Variants in SBNO2 observed in about 807,000 individuals in gnomAD.
The protein encoded by SBNO2 is protein strawberry notch homolog 2.
Under a neutral mutation model 146.3 loss-of-function variants are expected in SBNO2, and 89 were observed. The observed-to-expected ratio is 0.61, with a 90% CI of 0.51 to 0.73. The LOEUF (loss-of-function observed/expected upper bound fraction) is 0.73, where lower values mean the gene tolerates loss of function less well. Ranked by LOEUF, SBNO2 falls within the 30% of genes least tolerant of loss-of-function variation. The pLI is 0.00. For missense variants in SBNO2, 2,092 were observed against 2,003.7 expected (o/e 1.04, Z -0.84); for synonymous variants, 1,147 against 892.6 (o/e 1.29, Z -5.08).
chr19:1,119,843 CG>C (rs1284188703), intron 12 of SBNO2, 62 bp downstream of exon 12: 22 of 1,301,050 alleles, frequency 1.7e-5, no homozygotes, highest in Non-Finnish European at 2.3e-5. Flanking sequence ...TACCCCTTCG[CG>C]GGGACAGCCA....
At chr19:1,142,059 C>A (rs2080143187) in intron 4 of SBNO2, among the ~76,000 whole-genome samples, 1 of 150,638 alleles carries the variant, frequency 6.6e-6, no homozygotes, top group Non-Finnish European at 1.5e-5. Flanking sequence ...TCACGATCAA[C>A]CCTCCCCTCA....
intron 1 of SBNO2, among the ~76,000 whole-genome samples, chr19:1,167,815 C>T (rs1007015375): frequency 1.1e-4 from 16 of 152,206 alleles, no homozygotes; most frequent in African/African-American, 3.6e-4. Context: ...GCCGCGTGCA[C>T]GGAAACCCAG....
chr19:1,132,142 G>C, intron 4 of SBNO2: 2 of 1,497,416 alleles, frequency 1.3e-6, no homozygotes, highest in South Asian at 1.3e-5. Flanking sequence ...CATGGTCCCG[G>C]CGCTCGGGGG....
rs892164563 is a variant in SBNO2 at position 1,118,947 on chromosome 19, C to G, written c.1527+64G>C. On this transcript the variant is annotated intron_variant, in intron 14 of 31. Coordinates refer to ENST00000361757, the MANE Select transcript of SBNO2 (RefSeq NM_014963.3). ...GATGACGCCTGTGGCATCTGCAAGGCCACGGGGGAGCAATTTCACCCGGGA... is the reference window on the plus strand; with the variant it reads ...GATGACGCCTGTGGCATCTGCAAGGGCACGGGGGAGCAATTTCACCCGGGA... The G allele has an allele frequency of 4.6e-6, 7 of 1,512,116 alleles. No individual in the cohort carries two copies. In the Admixed American group the frequency reaches 1.4e-4, roughly 30 times the overall value. The allele number at this position is 1,512,116 out of a possible 1,614,324, so 93.7% of individuals were successfully genotyped here. A position where few individuals can be genotyped will look rare whatever the true frequency, so the allele number is the denominator to read the frequency against.
At position 1,173,879 on chromosome 19, in the gene SBNO2, T is replaced by C. The variant is rs1264881389; in HGVS notation, c.-127+293A>G. On this transcript the variant is annotated intron_variant, in intron 1 of 31. Coordinates refer to ENST00000361757, the MANE Select transcript of SBNO2 (RefSeq NM_014963.3). This position sits in a 1 kb window ranked among gnomAD's most constrained non-coding sequence, Gnocchi z 4.7. ...GAAGGAAAGGTTGGGAGGGTTGTCG[T>C]GGAAGGTAGGGTTAAGGTTCACGGC... 1.6e-5 allele frequency: 1 copy of C among 63,616 alleles called. No homozygotes were observed. The highest frequency in any genetic ancestry group is 3.0e-5 in the Non-Finnish European group (1 of 33,084). 3.9% of individuals were successfully genotyped at this position (63,616 alleles called of 1,614,324 possible). A position where few individuals can be genotyped will look rare whatever the true frequency, so the allele number is the denominator to read the frequency against.
Position 1,109,095 on chromosome 19 carries a change from C to A in SBNO2, c.3425+40G>T, listed in dbSNP as rs1026200589. 3.9e-6 allele frequency: 6 copies of A among 1,543,630 alleles called. No homozygotes were observed. In the African/African-American group the frequency reaches 8.2e-5, roughly 21 times the overall value. ...CCCCCGATCCCCGCCTGGGTCGCCGCCATCTGCCGGTTTCCCCCTGGTCCC... is the reference window on the plus strand; with the variant it reads ...CCCCCGATCCCCGCCTGGGTCGCCGACATCTGCCGGTTTCCCCCTGGTCCC... On this transcript the variant is annotated intron_variant, in intron 30 of 31. Coordinates refer to ENST00000361757, the MANE Select transcript of SBNO2 (RefSeq NM_014963.3). This position sits in a 1 kb window ranked among gnomAD's most constrained non-coding sequence, Gnocchi z 4.2.
chr19:1,110,926 G>C lies in SBNO2; in HGVS notation c.2885-38C>G, dbSNP rs776060128. On this transcript the variant is annotated intron_variant, in intron 25 of 31. Coordinates refer to ENST00000361757, the MANE Select transcript of SBNO2 (RefSeq NM_014963.3). The surrounding 1 kb of genome is among the most constrained non-coding windows in gnomAD (Gnocchi z 4.9). Reference sequence around the variant, plus strand: ...GGAGCCAAGCCTCAGGCTGCGCTGGGAATCCCTCTCCCTGCTTTGCTCACC... The same window carrying C: ...GGAGCCAAGCCTCAGGCTGCGCTGGCAATCCCTCTCCCTGCTTTGCTCACC... 1.2e-6 allele frequency: 2 copies of C among 1,611,364 alleles called. No individual in the cohort carries two copies. The highest frequency in any genetic ancestry group is 2.2e-5 in the South Asian group (2 of 91,058).
chr19:1,118,932 G>A, intron 14 of SBNO2, 79 bp downstream of exon 14: 1 of 1,442,200 alleles, frequency 6.9e-7, no homozygotes, highest in South Asian at 1.3e-5. Flanking sequence ...GATGACGCCT[G>A]TGGCATCTGC....
At position 1,109,633 on chromosome 19, in the gene SBNO2, G is replaced by T. The variant is rs776527087; in HGVS notation, c.3124-35C>A. 1.0e-5 allele frequency: 16 copies of T among 1,566,102 alleles called. No individual in the cohort carries two copies. The African/African-American group carries it at 1.6e-4, about 16-fold the overall frequency. On this transcript the variant is annotated intron_variant, in intron 27 of 31. Transcript: ENST00000361757. The surrounding 1 kb of genome is among the most constrained non-coding windows in gnomAD (Gnocchi z 4.2). ...CACGGGGTGGGGGGGTGTGAGTGTG[G>T]TGGGGGCGGGGTGGGCAGAGTGTGA...
At chr19:1,166,588 G>T (rs1320837990) in intron 1 of SBNO2, among the ~76,000 whole-genome samples, 2 of 149,496 alleles carry the variant, frequency 1.3e-5, no homozygotes, top group Non-Finnish European at 3.0e-5. Flanking sequence ...GACCAGCCTG[G>T]GCAACAGAGC....
chr19:1,163,877 G>A (rs747073627), intron 1 of SBNO2, among the ~76,000 whole-genome samples: 18 of 152,206 alleles, frequency 1.2e-4, no homozygotes, highest in Non-Finnish European at 1.9e-4. Context: ...CAGTGGCCCC[G>A]GTTGCCTGGA....
chr19:1,162,097 T>TCA (rs1248655589), intron 1 of SBNO2, among the ~76,000 whole-genome samples: 1 of 145,716 alleles, frequency 6.9e-6, no homozygotes, highest in Non-Finnish European at 1.5e-5. Context: ...GACACAGGGC[T>TCA]CAGGGACCAC....
At chr19:1,161,380 G>A (rs2080343158) in intron 1 of SBNO2, among the ~76,000 whole-genome samples, 1 of 82,354 alleles carries the variant, frequency 1.2e-5, no homozygotes, top group East Asian at 3.7e-4. Flanking sequence ...GAGTACTGGG[G>A]GTGGGGGTGC....
chr19:1,170,163 G>A (rs764564924), intron 1 of SBNO2, among the ~76,000 whole-genome samples: 4 of 152,194 alleles, frequency 2.6e-5, no homozygotes, highest in Non-Finnish European at 5.9e-5. Flanking sequence ...GCCTCCTCAC[G>A]GGGCCCAGGA....
chr19:1,167,666 G>C (rs1018490101), intron 1 of SBNO2, among the ~76,000 whole-genome samples: 1 of 152,122 alleles, frequency 6.6e-6, no homozygotes, highest in Non-Finnish European at 1.5e-5. Context: ...AATCCAGGAC[G>C]ACCCCTCTGC....
Position 1,154,371 on chromosome 19 carries a change from C to T in SBNO2, c.-95G>A, listed in dbSNP as rs1184776859. 5 of 598,198 alleles carry T rather than the reference C, an allele frequency of 8.4e-6. No individual in the cohort carries two copies. The highest frequency in any genetic ancestry group is 4.4e-5 in the Admixed American group (1 of 22,706). The allele number at this position is 598,198 out of a possible 1,614,324, so 37.1% of individuals were successfully genotyped here. A position where few individuals can be genotyped will look rare whatever the true frequency, so the allele number is the denominator to read the frequency against. The stretch of plus-strand genomic sequence containing the variant: ...GGGCGTCTATCTGGGCTTCTCGCTC[C>T]GTGGTGGCGGCGGTGGCGGCAGCAT... On this transcript the variant is annotated 5_prime_UTR_variant, in exon 2 of 32. Transcript: ENST00000361757.
chr19:1,164,728 G>C (rs1342759459), intron 1 of SBNO2, among the ~76,000 whole-genome samples: 2 of 121,234 alleles, frequency 1.6e-5, no homozygotes, highest in Non-Finnish European at 1.7e-5. Context: ...AACAGGAAGA[G>C]GAGGAGGAGG....
intron 1 of SBNO2, among the ~76,000 whole-genome samples, chr19:1,155,747 G>T (rs1264692343): frequency 6.6e-6 from 1 of 152,198 alleles, no homozygotes; most frequent in African/African-American, 2.4e-5. Context: ...CCCGTGTGCT[G>T]GTGGCCACAA....
At chr19:1,146,059 C>T (rs2080186670) in intron 4 of SBNO2, among the ~76,000 whole-genome samples, 1 of 152,130 alleles carries the variant, frequency 6.6e-6, no homozygotes, top group Admixed American at 6.5e-5. Context: ...GACCTGTGGC[C>T]ACACCGCCCC....
Sources: allele counts gnomAD v4.1 joint callset (sites outside exome capture counted in the v4.1 genomes callset), GRCh38; gene constraint gnomAD v4.1.1; non-coding constraint Gnocchi (gnomAD v3.1); transcripts MANE v1.5; gene names NCBI Gene and HGNC (gene_info 2026-07-23, HGNC 2026-07-21).